Variants in RAB12 observed in about 807,000 individuals in gnomAD.
RAB12 encodes RAB12, member RAS oncogene family.
A neutral mutation model predicts 28.4 loss-of-function variants in RAB12; 11 were observed. The ratio of observed to expected loss-of-function variants is 0.39; its 90% confidence interval spans 0.24 to 0.64. The LOEUF (loss-of-function observed/expected upper bound fraction) is 0.64. Among genes scored for constraint, RAB12 ranks in the 30% least tolerant of loss-of-function variants. The pLI is 0.50. For missense variants in RAB12, 276 were observed against 351.1 expected (o/e 0.79, Z 1.71); for synonymous variants, 138 against 145.3 (o/e 0.95, Z 0.36).
At chr18:8,611,993 C>T (rs1447554512) in intron 1 of RAB12, among the ~76,000 whole-genome samples, 1 of 152,204 alleles carries the variant, frequency 6.6e-6, no homozygotes, top group African/African-American at 2.4e-5. Flanking sequence ...ACTGTGAGAA[C>T]GCCAGCCAGC....
At chr18:8,623,002 C>T (rs1486179618) in intron 1 of RAB12, among the ~76,000 whole-genome samples, 1 of 152,196 alleles carries the variant, frequency 6.6e-6, no homozygotes, top group African/African-American at 2.4e-5. Flanking sequence ...CTGAACATTG[C>T]TGTTATCCTG....
At chr18:8,620,165 C>CTCAAA (rs2096009078) in intron 1 of RAB12, among the ~76,000 whole-genome samples, 2 of 75,432 alleles carry the variant, frequency 2.7e-5, no homozygotes, top group Admixed American at 2.3e-4. Flanking sequence ...TTTTTTGCTT[C>CTCAAA]AAAAAAAAAA....
At chr18:8,619,402 C>T (rs2096008523) in intron 1 of RAB12, among the ~76,000 whole-genome samples, 1 of 152,156 alleles carries the variant, frequency 6.6e-6, no homozygotes, top group Non-Finnish European at 1.5e-5. Flanking sequence ...CAGTAGTGTG[C>T]AAATGTTTCG....
chr18:8,613,374 A>G (rs2096004924), intron 1 of RAB12, among the ~76,000 whole-genome samples: 1 of 152,246 alleles, frequency 6.6e-6, no homozygotes, highest in Admixed American at 6.5e-5. Flanking sequence ...TCCTCATAGC[A>G]GTGCCTGTAT....
intron 2 of RAB12, 27 bp from the exon 3 acceptor site, chr18:8,633,162 G>A (rs777285756): frequency 1.9e-6 from 3 of 1,613,642 alleles, no homozygotes; most frequent in East Asian, 4.5e-5. Context: ...CATTATTTGG[G>A]AACTGACTTT....
chr18:8,633,294 T>C lies in RAB12; in HGVS notation c.681T>C (p.Asp227=). Residue 227 remains aspartate, a synonymous_variant, in exon 3 of 6, where the codon GAT becomes GAC. Coordinates refer to ENST00000649141, the MANE Select transcript of RAB12 (RefSeq NM_001025300.3). Reference sequence around the variant, plus strand: ...ATATCACTAAGAAGGAGACATTTGATGATTTGCCGAAATGGATGAAGATGA... The same window carrying C: ...ATATCACTAAGAAGGAGACATTTGACGATTTGCCGAAATGGATGAAGATGA... ...VYDITKKETF[D]DLPKWMKMID... The C allele has an allele frequency of 6.2e-7, 1 of 1,614,132 alleles. No homozygotes were observed. Among genetic ancestry groups the C allele is most frequent in the South Asian group, 1.1e-5 (1 of 91,056 alleles).
In RAB12 at chr18:8,638,188, A is replaced by G. The variant is rs2096020049; in HGVS notation, c.949A>G (p.Ile317Val). ...TTTAAGGAATGAGTTGTCCAATAGT[A>G]TCCTGTCGTTACAACCAGAGCCTGA... ...DILRNELSNS[I>V]LSLQPEPEIP... The change falls in exon 6 of 6, where the codon ATC becomes GTC. Residue 317 changes from isoleucine to valine, a missense_variant. By Grantham distance (29) the Ile-to-Val change is conservative. This residue lies in a region of RAB12 where 127 missense variants were observed against 161.4 expected (regional missense o/e 0.79). Coordinates refer to ENST00000649141, the MANE Select transcript of RAB12 (RefSeq NM_001025300.3). 6 of 1,613,874 alleles carry G rather than the reference A, an allele frequency of 3.7e-6. No individual in the cohort carries two copies. Among genetic ancestry groups the G allele is most frequent in the Non-Finnish European group, 5.1e-6 (6 of 1,179,820 alleles).
At chr18:8,610,112 A>G (rs1301168655) in intron 1 of RAB12, 159 bp downstream of exon 1, 1 of 567,056 alleles carries the variant, frequency 1.8e-6, no homozygotes, top group Non-Finnish European at 3.1e-6. Context: ...CCTGCATCCC[A>G]ATCCCAAAGC....
intron 2 of RAB12, among the ~76,000 whole-genome samples, chr18:8,627,459 G>A (rs1171833084): frequency 2.6e-5 from 4 of 152,252 alleles, no homozygotes; most frequent in Middle Eastern, 3.4e-3. Context: ...ACATTTTTAC[G>A]TCACGTTTTA....
chr18:8,633,312 G>A lies in RAB12; in HGVS notation c.699G>A (p.Met233Ile). 1 of 1,614,034 alleles carries A rather than the reference G, an allele frequency of 6.2e-7. No homozygotes were observed. The highest frequency in any genetic ancestry group is 8.5e-7 in the Non-Finnish European group (1 of 1,180,000). The part of the protein sequence containing the change: ...KETFDDLPKW[M>I]KMIDKYASED... ...CATTTGATGATTTGCCGAAATGGAT[G>A]AAGATGATTGATAAGGTAAATGTTG... The change falls in exon 3 of 6, where the codon ATG becomes ATA. Residue 233 changes from methionine (M) to isoleucine (I), a missense_variant. By Grantham distance (10) the Met-to-Ile change is conservative. Around this residue, in one of 4 missense-constraint regions of RAB12, gnomAD observed 127 missense variants for 161.4 expected, o/e 0.79. Transcript: ENST00000649141.
At chr18:8,623,222 ATTTATG>A (rs958317872) in intron 1 of RAB12, among the ~76,000 whole-genome samples, 8 of 152,214 alleles carry the variant, frequency 5.3e-5, no homozygotes, top group Admixed American at 4.6e-4. Flanking sequence ...AATCTTCACA[ATTTATG>A]TTTAGAGATT....
intron 1 of RAB12, among the ~76,000 whole-genome samples, chr18:8,612,233 G>A (rs1349869795): frequency 1.3e-5 from 2 of 152,238 alleles, no homozygotes; most frequent in East Asian, 1.9e-4. Flanking sequence ...GCCTCCAGTC[G>A]AGGCTAGTGA....
At chr18:8,623,168 G>A (rs1350256250) in intron 1 of RAB12, among the ~76,000 whole-genome samples, 1 of 152,200 alleles carries the variant, frequency 6.6e-6, no homozygotes, top group Admixed American at 6.5e-5. Context: ...ACAGGCATAG[G>A]AAATCACAAG....
At chr18:8,628,331 C>G (rs2096014001) in intron 2 of RAB12, among the ~76,000 whole-genome samples, 1 of 152,022 alleles carries the variant, frequency 6.6e-6, no homozygotes, top group African/African-American at 2.4e-5. Context: ...ATTCTTTGGC[C>G]GTACCTGATA....
At chr18:8,614,391 C>T (rs1164451502) in intron 1 of RAB12, among the ~76,000 whole-genome samples, 1 of 151,178 alleles carries the variant, frequency 6.6e-6, no homozygotes, top group Non-Finnish European at 1.5e-5. Context: ...CAGGAGAAGT[C>T]AAAGAAAGGC....
Position 8,633,750 on chromosome 18 carries a change from C to T in RAB12, c.714+423C>T, listed in dbSNP as rs116289165. On this transcript the variant is annotated intron_variant, in intron 3 of 5. Coordinates refer to ENST00000649141, the MANE Select transcript of RAB12 (RefSeq NM_001025300.3). ...CCACGCGCCTCCGTCACCCACTGGA[C>T]ATCTGTCCTCGCAATTATAGATGCC... Among the ~76,000 whole-genome samples the T allele has an allele frequency of 8.5e-3, 1,294 of 152,334 alleles. 15 individuals are homozygous for T. Among genetic ancestry groups the T allele is most frequent in the African/African-American group, 0.028 (1,160 of 41,584 alleles).
chr18:8,625,814 CTGAT>C (rs914658158), intron 2 of RAB12, among the ~76,000 whole-genome samples: 2 of 152,196 alleles, frequency 1.3e-5, no homozygotes, highest in Non-Finnish European at 2.9e-5. Context: ...ACCCTCAGCT[CTGAT>C]TGTTTGTCCA....
At chr18:8,626,917 T>C (rs1370577509) in intron 2 of RAB12, among the ~76,000 whole-genome samples, 3 of 152,270 alleles carry the variant, frequency 2.0e-5, no homozygotes, top group Non-Finnish European at 4.4e-5. Flanking sequence ...ACATGGAATA[T>C]TCCAGTGACT....
intron 3 of RAB12, among the ~76,000 whole-genome samples, chr18:8,634,522 T>C (rs969735265): frequency 1.3e-5 from 2 of 152,134 alleles, no homozygotes; most frequent in African/African-American, 4.8e-5. Flanking sequence ...TTAGAACTAA[T>C]AGGATGAATA....
Sources: allele counts gnomAD v4.1 joint callset (sites outside exome capture counted in the v4.1 genomes callset), GRCh38; gene constraint gnomAD v4.1.1; regional missense constraint gnomAD v4.1.1; transcripts MANE v1.5; gene names NCBI Gene and HGNC (gene_info 2026-07-23, HGNC 2026-07-21).